TMEM74: variants seen among roughly 807,000 people sequenced by gnomAD.
The protein encoded by TMEM74 is transmembrane protein 74.
A neutral mutation model predicts 18.1 loss-of-function variants in TMEM74; 13 were observed. The observed-to-expected ratio is 0.72, with a 90% CI of 0.47 to 1.14. The LOEUF is 1.14. Ranked by LOEUF, TMEM74 falls within the 50% of genes most tolerant of loss-of-function variation. TMEM74 has a pLI of 0.00. For missense variants in TMEM74, 372 were observed against 375.9 expected (o/e 0.99, Z 0.09); for synonymous variants, 159 against 146.6 (o/e 1.08, Z -0.61).
chr8:108,697,207 C>T (rs764019397), intron 1 of TMEM74, among the ~76,000 whole-genome samples: 1 of 152,064 alleles, frequency 6.6e-6, no homozygotes, highest in African/African-American at 2.4e-5. Context: ...CAGTGGATGT[C>T]CACTTGGTCT....
chr8:108,768,008 G>A (rs553677615), intron 1 of TMEM74, among the ~76,000 whole-genome samples: 62 of 152,136 alleles, frequency 4.1e-4, no homozygotes, highest in African/African-American at 1.5e-3. Context: ...TTGGAAATCG[G>A]AAAAACTCTG....
intron 1 of TMEM74, among the ~76,000 whole-genome samples, chr8:108,766,244 T>C (rs1253841656): frequency 6.6e-6 from 1 of 151,722 alleles, no homozygotes; most frequent in African/African-American, 2.4e-5. Context: ...TCTTTCTCTC[T>C]CTGTCTCTCT....
intron 1 of TMEM74, among the ~76,000 whole-genome samples, chr8:108,667,900 C>T (rs917620964): frequency 4.6e-5 from 7 of 152,114 alleles, no homozygotes; most frequent in Admixed American, 1.3e-4. Flanking sequence ...TCCCATAATA[C>T]TAAGAAGCAG....
chr8:108,647,956 G>A (rs1248848344), intron 2 of TMEM74, among the ~76,000 whole-genome samples: 7 of 152,072 alleles, frequency 4.6e-5, no homozygotes, highest in Admixed American at 2.0e-4. Context: ...AAACAATTTG[G>A]CCAGGAAAAG....
chr8:108,708,193 A>G (rs528971268), intron 1 of TMEM74, among the ~76,000 whole-genome samples: 9 of 151,888 alleles, frequency 5.9e-5, no homozygotes, highest in Non-Finnish European at 1.3e-4. Context: ...ATGTTGCTGC[A>G]AAGAACATGA....
chr8:108,771,666 T>C (rs1383921399), intron 1 of TMEM74, among the ~76,000 whole-genome samples: 1 of 152,242 alleles, frequency 6.6e-6, no homozygotes, highest in Non-Finnish European at 1.5e-5. Context: ...TGTTTAGTGG[T>C]TGTACAGCAA....
chr8:108,649,367 G>A (rs1812750523), intron 2 of TMEM74, among the ~76,000 whole-genome samples: 1 of 152,114 alleles, frequency 6.6e-6, no homozygotes, highest in South Asian at 2.1e-4. Flanking sequence ...GAAAAGAGAT[G>A]AGGGAAAACT....
At chr8:108,698,901 G>T (rs961209750) in intron 1 of TMEM74, among the ~76,000 whole-genome samples, 3 of 151,926 alleles carry the variant, frequency 2.0e-5, no homozygotes, top group African/African-American at 7.3e-5. Context: ...CCCTATTCAT[G>T]GAAAACAATC....
At chr8:108,677,546 G>T (rs1205709132) in intron 1 of TMEM74, among the ~76,000 whole-genome samples, 7 of 144,838 alleles carry the variant, frequency 4.8e-5, no homozygotes, top group African/African-American at 1.0e-4. Flanking sequence ...GTATTCTGTT[G>T]TTTTTTTTTT....
chr8:108,743,146 C>T (rs1232656208), intron 1 of TMEM74, among the ~76,000 whole-genome samples: 2 of 152,124 alleles, frequency 1.3e-5, no homozygotes, highest in African/African-American at 4.8e-5. Context: ...ACAGGCTAAG[C>T]CTCAATTAAT....
rs1814334384 is a variant in TMEM74 at position 108,783,527 on chromosome 8, C to T, written c.*654G>A. 1.3e-5 allele frequency: 2 copies of T among 152,144 alleles called. No homozygotes were observed. The highest frequency in any genetic ancestry group is 4.1e-4 in the South Asian group (2 of 4,820). 9.4% of individuals were successfully genotyped at this position (152,144 alleles called of 1,614,324 possible). On this transcript the variant is annotated 3_prime_UTR_variant, in exon 2 of 2. Transcript: ENST00000297459. ...CACTGTGGTTTAAATTCACATTGGT[C>T]TTACAATGATTTACATAATTTTTTT... is the stretch of plus-strand genomic sequence containing the variant.
chr8:108,636,442 G>A (rs1053454653), intron 2 of TMEM74, among the ~76,000 whole-genome samples: 2 of 152,062 alleles, frequency 1.3e-5, no homozygotes, highest in African/African-American at 4.8e-5. Flanking sequence ...CTTAGCAGAA[G>A]GAAAAGAGTG....
At chr8:108,768,148 G>T (rs888347092) in intron 1 of TMEM74, among the ~76,000 whole-genome samples, 2 of 152,056 alleles carry the variant, frequency 1.3e-5, no homozygotes, top group Non-Finnish European at 2.9e-5. Context: ...GTTCCCCACA[G>T]ACCTCAAACT....
chr8:108,686,449 G>T (rs1343533357), intron 1 of TMEM74, among the ~76,000 whole-genome samples: 1 of 151,944 alleles, frequency 6.6e-6, no homozygotes, highest in African/African-American at 2.4e-5. Flanking sequence ...TGATCCAGCC[G>T]CCTCAGCCTC....
At chr8:108,741,486 A>T (rs1018901810) in intron 1 of TMEM74, among the ~76,000 whole-genome samples, 7 of 152,224 alleles carry the variant, frequency 4.6e-5, no homozygotes, top group Admixed American at 4.6e-4. Flanking sequence ...TGGGACAGCC[A>T]TGGTTTACAC....
intron 1 of TMEM74, among the ~76,000 whole-genome samples, chr8:108,717,942 GTTTTTTTTTTTTT>G (rs869263977): frequency 2.8e-4 from 13 of 45,920 alleles, no homozygotes; most frequent in African/African-American, 3.7e-4. Flanking sequence ...TCTGACTTAG[GTTTTTTTTTTTTT>G]TTTTTTTTTT....
chr8:108,661,029 A>T (rs1177461534), intron 1 of TMEM74, among the ~76,000 whole-genome samples: 1 of 152,156 alleles, frequency 6.6e-6, no homozygotes, highest in Non-Finnish European at 1.5e-5. Context: ...ATTGACTAGG[A>T]TGATACTTGT....
intron 2 of TMEM74, among the ~76,000 whole-genome samples, chr8:108,612,657 T>C (rs1003846768): frequency 6.6e-6 from 1 of 152,190 alleles, no homozygotes; most frequent in Admixed American, 6.5e-5. Flanking sequence ...GCTCCACACA[T>C]GCATTTAGTA....
chr8:108,661,553 A>C (rs1366147739), intron 1 of TMEM74, among the ~76,000 whole-genome samples: 1 of 152,074 alleles, frequency 6.6e-6, no homozygotes, highest in Non-Finnish European at 1.5e-5. Flanking sequence ...ATTTTCATTA[A>C]GTAGATGTTT....
Sources: gnomAD v4.1 joint callset for allele counts (sites outside exome capture counted in the v4.1 genomes callset) on GRCh38, gnomAD v4.1.1 for gene constraint, MANE v1.5 for transcripts, NCBI Gene and HGNC (gene_info 2026-07-23, HGNC 2026-07-21) for gene names.